Variants in SDCBP observed in about 807,000 individuals in gnomAD.
SDCBP encodes the protein syntenin-1.
SDCBP carries 22 observed loss-of-function variants against 30.5 expected under a neutral mutation model. The observed-to-expected ratio is 0.72, with a 90% confidence interval of 0.52 to 1.03. The LOEUF (loss-of-function observed/expected upper bound fraction) is 1.03. SDCBP is among the 50% of genes least tolerant of loss of function. SDCBP has a pLI of 0.00. For missense variants in SDCBP, 304 were observed against 369.9 expected, an observed-to-expected ratio of 0.82 and a Z score of 1.46; for synonymous variants, 103 against 118.7, an observed-to-expected ratio of 0.87 and a Z score of 0.86.
intron 2 of SDCBP, chr8:58,570,678 C>T (rs1052834475): frequency 6.4e-6 from 3 of 468,814 alleles, no homozygotes; most frequent in Non-Finnish European, 1.1e-5. Context: ...TTTGTGATAG[C>T]CTTAAAAGTA....
chr8:58,553,626 C>T (rs1213400115), intron 1 of SDCBP, among the ~76,000 whole-genome samples: 1 of 152,222 alleles, frequency 6.6e-6, no homozygotes, highest in East Asian at 1.9e-4. Context: ...TGAACGCCTT[C>T]AGCCCCCGCC....
rs532475473 is a variant in SDCBP, at chr8:58,564,967, C to A, written c.-15-52C>A. 3.6e-4 allele frequency: 348 copies of A among 979,044 alleles called. 8 individuals carry two copies. The South Asian group carries it at 4.5e-3, about 13-fold the overall frequency. 60.6% of individuals were successfully genotyped at this position (979,044 alleles called of 1,614,324 possible). ...ATGTGTCTGTGGTTAGCTGTGTATA[C>A]TATTTCAATTTCTATGACATTAGAG... On this transcript the variant is annotated intron_variant, in intron 1 of 8. Coordinates refer to ENST00000260130, the MANE Select transcript of SDCBP (RefSeq NM_005625.4).
Position 58,578,148 on chromosome 8 carries a change from A to C in SDCBP, c.518A>C (p.Lys173Thr). Residue 173 changes from lysine (K) to threonine (T), a missense_variant, in exon 6 of 9, where the codon AAA becomes ACA. Coordinates refer to ENST00000260130, the MANE Select transcript of SDCBP (RefSeq NM_005625.4). The part of the protein sequence containing the change: ...GENCAGWSSD[K>T]AHKVLKQAFG... ...AACTGTGCAGGATGGAGCTCTGATAAAGCGCACAAGGTGCTCAAACAGGCT... is the reference window on the plus strand; with the variant it reads ...AACTGTGCAGGATGGAGCTCTGATACAGCGCACAAGGTGCTCAAACAGGCT... 1 of 1,611,074 alleles carries C rather than the reference A, an allele frequency of 6.2e-7. No individual in the cohort carries two copies. The highest frequency in any genetic ancestry group is 1.1e-5 in the South Asian group (1 of 90,636).
At chr8:58,574,138 C>T (rs1490077290) in intron 4 of SDCBP, among the ~76,000 whole-genome samples, 1 of 152,150 alleles carries the variant, frequency 6.6e-6, no homozygotes, top group African/African-American at 2.4e-5. Context: ...GTTGCTCTCA[C>T]CCTTTCTCTA....
intron 4 of SDCBP, 71 bp from the exon 5 acceptor site, chr8:58,575,829 C>A: frequency 7.5e-7 from 1 of 1,341,538 alleles, no homozygotes; most frequent in Non-Finnish European, 1.0e-6. Flanking sequence ...GAGTAAGTTC[C>A]AGTTAATTAT....
At chr8:58,575,820 A>G (rs1037641764) in intron 4 of SDCBP, 80 bp from the exon 5 acceptor site, 12 of 1,281,568 alleles carry the variant, frequency 9.4e-6, no homozygotes, top group African/African-American at 1.5e-5. Flanking sequence ...GCCAAAACTG[A>G]GTAAGTTCCA....
intron 2 of SDCBP, among the ~76,000 whole-genome samples, chr8:58,568,941 G>C (rs997144890): frequency 6.6e-5 from 10 of 151,820 alleles, no homozygotes; most frequent in Non-Finnish European, 1.5e-4. Context: ...CTGGAGTACA[G>C]TGGCACAGTC....
At chr8:58,558,337 G>A (rs1365485073) in intron 1 of SDCBP, among the ~76,000 whole-genome samples, 1 of 152,124 alleles carries the variant, frequency 6.6e-6, no homozygotes, top group Non-Finnish European at 1.5e-5. Context: ...GTTAGAATGT[G>A]GTGGTGTGAC....
intron 1 of SDCBP, among the ~76,000 whole-genome samples, chr8:58,558,623 ATAAAC>A (rs200387057): frequency 0.016 from 2,427 of 152,312 alleles, 38 homozygotes; most frequent in East Asian, 0.079. Context: ...TGCTGTGTAA[ATAAAC>A]TAAATTGAGT....
intron 4 of SDCBP, among the ~76,000 whole-genome samples, chr8:58,575,229 C>T (rs997375255): frequency 3.6e-4 from 55 of 152,184 alleles, no homozygotes; most frequent in African/African-American, 1.3e-3. Flanking sequence ...TAATATTATT[C>T]CATTTTCTTT....
chr8:58,578,546 A>G lies in SDCBP; in HGVS notation c.578+338A>G, dbSNP rs1278652416. On this transcript the variant is annotated intron_variant, in intron 6 of 8. Transcript: ENST00000260130. ...GGGTGTTCACACACAGTGGTCCCTC[A>G]TTGTGAGGGTCAGAGCCCATGCAGA... Among the ~76,000 whole-genome samples, 5 of 152,288 alleles carry G rather than the reference A, an allele frequency of 3.3e-5. No homozygotes were observed. In the East Asian group the frequency reaches 9.7e-4, roughly 29 times the overall value.
chr8:58,570,998 A>G (rs773760480), intron 3 of SDCBP, 33 bp downstream of exon 3: 1 of 1,469,268 alleles, frequency 6.8e-7, no homozygotes, highest in Non-Finnish European at 9.5e-7. Flanking sequence ...TTCTCTGTGA[A>G]CAGAAATATT....
At position 58,572,223 on chromosome 8, in the gene SDCBP, A is replaced by C; in HGVS notation, c.149A>C (p.Tyr50Ser). Residue 50 changes from tyrosine (Y) to serine (S), a missense_variant, in exon 4 of 9, where the codon TAT (tyrosine) becomes TCT (serine). Transcript: ENST00000260130. ...TTTTTAGATCTCTATCCCAGACTGT[A>C]TCCAGAGCTCTCTCAATACATGGGG... ...PHDGNLYPRL[Y>S]PELSQYMGLS... 1 of 1,607,168 alleles carries C rather than the reference A, an allele frequency of 6.2e-7. No homozygotes were observed. The highest frequency in any genetic ancestry group is 8.5e-7 in the Non-Finnish European group (1 of 1,175,342).
rs1805420879 is a variant in SDCBP, at chr8:58,577,698, T to C, written c.403-335T>C. 1.3e-5 allele frequency among the ~76,000 whole-genome samples: 2 copies of C among 152,206 alleles called. 1 individual carries two copies. The highest frequency in any genetic ancestry group is 4.1e-4 in the South Asian group (2 of 4,834). ...TCTATCAGACTCAGACGCTTGCATT[T>C]ATTAAAGTTGTCCTACTGTATTTTC... On this transcript the variant is annotated intron_variant, in intron 5 of 8. Transcript: ENST00000260130.
chr8:58,579,039 A>G (rs553631739), intron 6 of SDCBP, among the ~76,000 whole-genome samples: 2 of 152,366 alleles, frequency 1.3e-5, no homozygotes, highest in African/African-American at 2.4e-5. Context: ...TGTGACTGCT[A>G]TAACAACTCT....
intron 1 of SDCBP, among the ~76,000 whole-genome samples, chr8:58,558,466 A>G (rs894712808): frequency 6.6e-6 from 1 of 152,048 alleles, no homozygotes; most frequent in African/African-American, 2.4e-5. Flanking sequence ...TATTTTTTGT[A>G]GAGATGGGGT....
intron 1 of SDCBP, among the ~76,000 whole-genome samples, chr8:58,559,388 TG>T (rs1392849832): frequency 6.6e-6 from 1 of 152,256 alleles, no homozygotes; most frequent in Admixed American, 6.5e-5. Context: ...ATATGCATTT[TG>T]TTTATATTGA....
chr8:58,579,839 ATGTC>A (rs774573108), intron 7 of SDCBP, 45 bp downstream of exon 7: 289 of 1,529,204 alleles, frequency 1.9e-4, no homozygotes, highest in Non-Finnish European at 2.5e-4. Flanking sequence ...GTTTTAGAAA[ATGTC>A]TGTCTTTTGA....
intron 2 of SDCBP, among the ~76,000 whole-genome samples, chr8:58,565,462 A>C (rs550233410): frequency 6.6e-6 from 1 of 152,080 alleles, no homozygotes; most frequent in Non-Finnish European, 1.5e-5. Context: ...CTTTAATTCT[A>C]TGTCTCTTAA....
Sources: allele counts gnomAD v4.1 joint callset (sites outside exome capture counted in the v4.1 genomes callset), GRCh38; gene constraint gnomAD v4.1.1; transcripts MANE v1.5; gene names NCBI Gene and HGNC (gene_info 2026-07-23, HGNC 2026-07-21).